Variants in CCDC97 observed in about 807,000 individuals in gnomAD.
CCDC97 encodes the protein coiled-coil domain-containing protein 97.
A neutral mutation model predicts 33.9 loss-of-function variants in CCDC97; 27 were observed. The ratio of observed to expected loss-of-function variants is 0.80; its 90% confidence interval spans 0.59 to 1.10. The LOEUF (loss-of-function observed/expected upper bound fraction) is 1.10, where lower values mean the gene tolerates loss of function less well. CCDC97 is among the 50% of genes least tolerant of loss of function. The pLI is 0.00. For missense variants in CCDC97, 422 were observed against 476.6 expected (o/e 0.89, Z 1.07); for synonymous variants, 217 against 194.0 (o/e 1.12, Z -0.99).
chr19:41,313,167 G>A (rs1304169666), intron 1 of CCDC97, among the ~76,000 whole-genome samples: 1 of 151,886 alleles, frequency 6.6e-6, no homozygotes, highest in Non-Finnish European at 1.5e-5. Context: ...TGTCCTCCCC[G>A]CATCTGTGCA....
In CCDC97 at chr19:41,316,698, G is replaced by T; in HGVS notation, c.361G>T (p.Ala121Ser). The change falls in exon 2 of 5, where the codon GCC (alanine) becomes TCC (serine). Residue 121 changes from alanine to serine, a missense_variant. Transcript: ENST00000269967. ...FRTGLREEHL[A>S]CFGHVRGDHR... ...CACAGGCCTCCGTGAGGAGCATCTG[G>T]CCTGCTTTGGCCACGTGCGTGGCGA... 6.2e-7 allele frequency: 1 copy of T among 1,614,076 alleles called. No individual in the cohort carries two copies. Among genetic ancestry groups the T allele is most frequent in the South Asian group, 1.1e-5 (1 of 91,082 alleles).
At position 41,324,169 on chromosome 19, in the gene CCDC97, C is replaced by G. The variant is rs2123068957; in HGVS notation, c.*1454C>G. 6.6e-6 allele frequency: 1 copy of G among 152,386 alleles called. No individual in the cohort carries two copies. The highest frequency in any genetic ancestry group is 2.1e-4 in the South Asian group (1 of 4,832). 9.4% of individuals were successfully genotyped at this position (152,386 alleles called of 1,614,324 possible). A position where few individuals can be genotyped will look rare whatever the true frequency, so the allele number is the denominator to read the frequency against. ...GCTGGATGGAGGCAGACAAGATGCT[C>G]AGAGCGACTATTAAAGAACGAAAGC... On this transcript the variant is annotated 3_prime_UTR_variant, in exon 5 of 5. Coordinates refer to ENST00000269967, the MANE Select transcript of CCDC97 (RefSeq NM_052848.3).
chr19:41,320,534 A>G (rs1302689797), intron 4 of CCDC97, 64 bp downstream of exon 4: 13 of 1,601,936 alleles, frequency 8.1e-6, no homozygotes, highest in Non-Finnish European at 1.0e-5. Context: ...GGTCACATGC[A>G]GAGCCCTTAA....
At chr19:41,321,411 A>C (rs533313754) in intron 4 of CCDC97, among the ~76,000 whole-genome samples, 2 of 152,358 alleles carry the variant, frequency 1.3e-5, no homozygotes, top group East Asian at 3.9e-4. Flanking sequence ...CAGGGACCAC[A>C]GTGTGTTGCC....
At chr19:41,318,057 A>T (rs1433762955) in intron 2 of CCDC97, among the ~76,000 whole-genome samples, 1 of 151,706 alleles carries the variant, frequency 6.6e-6, no homozygotes, top group Non-Finnish European at 1.5e-5. Context: ...TGAAAAAAGC[A>T]GGAAAGATAG....
At chr19:41,314,082 T>C (rs1398550226) in intron 1 of CCDC97, among the ~76,000 whole-genome samples, 1 of 152,156 alleles carries the variant, frequency 6.6e-6, no homozygotes, top group Admixed American at 6.6e-5. Context: ...GGGCAGGAGC[T>C]GGACTGGATT....
At position 41,321,956 on chromosome 19, in the gene CCDC97, G is replaced by GC. The variant is rs199812003; in HGVS notation, c.912-634dup. On this transcript the variant is annotated intron_variant, in intron 4 of 4. Transcript: ENST00000269967. ...TCTATCCACTGGAGGGCAGTAGCAA[G>GC]CCCCCAGTGATGACGTCAAAATGTC... 6.6e-4 allele frequency among the ~76,000 whole-genome samples: 100 copies of GC among 152,342 alleles called. 1 individual carries two copies. The East Asian group carries it at 0.019, about 29-fold the overall frequency.
At chr19:41,316,363 A>G (rs1306172585) in intron 1 of CCDC97, 21 bp from the exon 2 acceptor site, 4 of 1,594,066 alleles carry the variant, frequency 2.5e-6, no homozygotes, top group Non-Finnish European at 2.6e-6. Flanking sequence ...CTCTGAACTA[A>G]CCAATCTCTC....
chr19:41,310,684 A>T, intron 1 of CCDC97: 1 of 1,237,818 alleles, frequency 8.1e-7, no homozygotes, highest in Non-Finnish European at 1.0e-6. Context: ...GCCTCAGACC[A>T]GCCCTTCTCA....
At chr19:41,310,478 C>T (rs1435265637) in intron 1 of CCDC97, 122 bp downstream of exon 1, 3 of 1,506,738 alleles carry the variant, frequency 2.0e-6, no homozygotes, top group Non-Finnish European at 2.7e-6. Context: ...CTCAGCTTTA[C>T]CGGTCCTCTT....
rs1245799672 is a variant in CCDC97 at position 41,310,199 on chromosome 19, A to G, written c.-112A>G. On this transcript the variant is annotated 5_prime_UTR_variant, in exon 1 of 5. Transcript: ENST00000269967. Reference sequence around the variant, plus strand: ...GCCCGGAACTTCGGTGCCTGGGCGCAGCGGTGCACCCGGACCCGGAACATT... The same window carrying G: ...GCCCGGAACTTCGGTGCCTGGGCGCGGCGGTGCACCCGGACCCGGAACATT... 5 of 1,456,080 alleles carry G rather than the reference A, an allele frequency of 3.4e-6. No individual in the cohort carries two copies. The Admixed American group carries it at 1.0e-4, about 29-fold the overall frequency. 90.2% of individuals were successfully genotyped at this position (1,456,080 alleles called of 1,614,324 possible).
chr19:41,319,525 A>C (rs778141165), intron 2 of CCDC97, 49 bp from the exon 3 acceptor site: 1 of 1,348,972 alleles, frequency 7.4e-7, no homozygotes, highest in East Asian at 2.3e-5. Context: ...CATGGACACT[A>C]TCTGCTCAGT....
rs765821522 is a variant in CCDC97 at position 41,320,450 on chromosome 19, G to C, written c.891G>C (p.Lys297Asn). The C allele has an allele frequency of 6.2e-7, 1 of 1,613,926 alleles. No individual in the cohort carries two copies. The highest frequency in any genetic ancestry group is 8.5e-7 in the Non-Finnish European group (1 of 1,179,972). The change falls in exon 4 of 5, where the codon AAG (lysine) becomes AAC (asparagine). Residue 297 changes from lysine (K) to asparagine (N), a missense_variant. Lys to Asn is a moderately conservative substitution (Grantham distance 94). Coordinates refer to ENST00000269967, the MANE Select transcript of CCDC97 (RefSeq NM_052848.3). ...TGCACCAGCGCTTCCTAGATGGCAAGGACGGGGACTTTGACTACAGGTGCT... is the reference window on the plus strand; with the variant it reads ...TGCACCAGCGCTTCCTAGATGGCAACGACGGGGACTTTGACTACAGGTGCT... The part of the protein sequence containing the change: ...SRMHQRFLDG[K>N]DGDFDYSTVD...
chr19:41,317,073 G>A (rs1256374705), intron 2 of CCDC97, among the ~76,000 whole-genome samples: 1 of 152,204 alleles, frequency 6.6e-6, no homozygotes, highest in African/African-American at 2.4e-5. Flanking sequence ...TCAGAATTTA[G>A]TAGATGTTAG....
chr19:41,321,828 T>C (rs2037827662), intron 4 of CCDC97, among the ~76,000 whole-genome samples: 1 of 152,146 alleles, frequency 6.6e-6, no homozygotes, highest in Non-Finnish European at 1.5e-5. Flanking sequence ...AGTGGCCAAA[T>C]CAAGCTAGGC....
rs562605864 is a variant in CCDC97, at chr19:41,320,869, G to A, written c.911+399G>A. The stretch of plus-strand genomic sequence containing the variant: ...GTAACCCCTGGCAAAGTTCATGCCC[G>A]GCATGGAGGGGCCTGCACTGGCTGC... On this transcript the variant is annotated intron_variant, in intron 4 of 4. Coordinates refer to ENST00000269967, the MANE Select transcript of CCDC97 (RefSeq NM_052848.3). The A allele has an allele frequency of 3.9e-5, 8 of 202,600 alleles. No homozygotes were observed. In the East Asian group the frequency reaches 7.9e-4, roughly 20 times the overall value. 12.6% of individuals were successfully genotyped at this position (202,600 alleles called of 1,614,324 possible).
In CCDC97 at chr19:41,316,586, T is replaced by C; in HGVS notation, c.249T>C (p.Gly83=). The change falls in exon 2 of 5, where the codon GGT becomes GGC. Residue 83 remains glycine (G), a synonymous_variant. Coordinates refer to ENST00000269967, the MANE Select transcript of CCDC97 (RefSeq NM_052848.3). ...SRLPVCSQQQ[G]EPDLTEHEKV... is the part of the protein sequence containing the mutation. ...TGCCTGTTTGCAGCCAGCAGCAGGG[T>C]GAACCCGACTTGACAGAGCATGAGA... 3 of 1,614,162 alleles carry C rather than the reference T, an allele frequency of 1.9e-6. No homozygotes were observed. In the East Asian group the frequency reaches 6.7e-5, roughly 36 times the overall value.
chr19:41,324,758 T>G lies in CCDC97; in HGVS notation c.*2043T>G, dbSNP rs1043002879. The G allele has an allele frequency of 1.3e-5, 2 of 152,208 alleles. No homozygotes were observed. The highest frequency in any genetic ancestry group is 4.8e-5 in the African/African-American group (2 of 41,436). The allele number at this position is 152,208 out of a possible 1,614,324, so 9.4% of individuals were successfully genotyped here. ...CTGTCTGTCTCTTACCTGCCTGTATTTGTGCCCCATTTTTAAAGAGCAGAG... is the reference window on the plus strand; with the variant it reads ...CTGTCTGTCTCTTACCTGCCTGTATGTGTGCCCCATTTTTAAAGAGCAGAG... On this transcript the variant is annotated 3_prime_UTR_variant, in exon 5 of 5. Transcript: ENST00000269967.
chr19:41,321,540 G>C (rs950008302), intron 4 of CCDC97, among the ~76,000 whole-genome samples: 3 of 152,212 alleles, frequency 2.0e-5, no homozygotes, highest in African/African-American at 7.2e-5. Context: ...CCAACGAAAG[G>C]CTTCCCTGCC....
Sources: gnomAD v4.1 joint callset for allele counts (sites outside exome capture counted in the v4.1 genomes callset) on GRCh38, gnomAD v4.1.1 for gene constraint, MANE v1.5 for transcripts, NCBI Gene and HGNC (gene_info 2026-07-23, HGNC 2026-07-21) for gene names.